The following PDZD7 variants were observed in gnomAD, a reference collection of about 807,000 sequenced individuals.
PDZD7 encodes the protein PDZ domain containing 7.
Under a neutral mutation model 84.7 loss-of-function variants are expected in PDZD7, and 72 were observed. That is an observed-to-expected ratio of 0.85 (90% CI 0.70 to 1.03). PDZD7 has a LOEUF of 1.03. Among genes scored for constraint, PDZD7 ranks in the 50% least tolerant of loss-of-function variants. The probability of loss-of-function intolerance (pLI) is 0.00; values close to 1 mark genes in which losing one functional copy is unlikely to be tolerated. For synonymous variants in PDZD7, 594 were observed against 580.7 expected, an observed-to-expected ratio of 1.02 and a Z score of -0.33; for missense variants, 1,490 against 1,412.9, an observed-to-expected ratio of 1.05 and a Z score of -0.87.
At position 101,021,912 on chromosome 10, in the gene PDZD7, G is replaced by T. The variant is rs1046830589; in HGVS notation, c.753C>A (p.Gly251=). The change falls in exon 6 of 17, where the codon GGC becomes GGA. Residue 251 remains glycine (G), a synonymous_variant. Transcript: ENST00000619208. The part of the protein sequence containing the change: ...VDHGGLAEEN[G]IKVGDQVLAA... Reference sequence around the variant, plus strand: ...CCAGGACCTGGTCCCCCACCTTGATGCCATTCTCCTCGGCCAGCCCACCAT... The same window carrying T: ...CCAGGACCTGGTCCCCCACCTTGATTCCATTCTCCTCGGCCAGCCCACCAT... 2.5e-6 allele frequency: 4 copies of T among 1,613,980 alleles called. No individual in the cohort carries two copies. Among genetic ancestry groups the T allele is most frequent in the Non-Finnish European group, 2.5e-6 (3 of 1,180,008 alleles).
chr10:101,019,735 T>C (rs1852967235), intron 7 of PDZD7, among the ~76,000 whole-genome samples: 1 of 151,550 alleles, frequency 6.6e-6, no homozygotes, highest in Non-Finnish European at 1.5e-5. Context: ...AAGCGATTCT[T>C]GTGCCTCAGC....
chr10:101,011,987 C>A lies in PDZD7; in HGVS notation c.1871G>T (p.Arg624Leu). 6.4e-7 allele frequency: 1 copy of A among 1,550,512 alleles called. No individual in the cohort carries two copies. The highest frequency in any genetic ancestry group is 1.2e-5 in the South Asian group (1 of 84,062). Residue 624 changes from arginine to leucine, a missense_variant, in exon 13 of 17, where the codon CGC becomes CTC. By Grantham distance (102) the Arg-to-Leu change is moderately radical. Coordinates refer to ENST00000619208, the MANE Select transcript of PDZD7 (RefSeq NM_001195263.2). ...CACAAGCATCACCATGCTGTCGAAG[C>A]GGCCCAGGTCTGTGGGGGCCACCAC... ...RSVVAPTDLGRFDSMVMLVEL... is the reference protein window; with the variant it reads ...RSVVAPTDLGLFDSMVMLVEL...
chr10:101,014,940 C>T (rs576800221), intron 11 of PDZD7, among the ~76,000 whole-genome samples: 35 of 152,228 alleles, frequency 2.3e-4, no homozygotes, highest in Non-Finnish European at 4.4e-4. Flanking sequence ...CACAGGCCTT[C>T]CTGAGACAGG....
At chr10:101,024,096 C>T in intron 2 of PDZD7, 28 bp from the exon 3 acceptor site, 5 of 1,614,178 alleles carry the variant, frequency 3.1e-6, no homozygotes, top group East Asian at 4.5e-5. Flanking sequence ...TAGGGATGCC[C>T]CCATGTTCAT....
intron 2 of PDZD7, among the ~76,000 whole-genome samples, chr10:101,027,171 C>T (rs1386643354): frequency 6.6e-6 from 1 of 152,186 alleles, no homozygotes; most frequent in African/African-American, 2.4e-5. Context: ...AACTTCAACA[C>T]CTGTTCCTGC....
In PDZD7 at chr10:101,030,280, C is replaced by G. The variant is rs948024534; in HGVS notation, c.-61G>C. Reference sequence around the variant, plus strand: ...AAGGAATCTGCTAGCTCTGGAGAGGCCAGCCCTGCGTGCTTCGAGCTCCAT... The same window carrying G: ...AAGGAATCTGCTAGCTCTGGAGAGGGCAGCCCTGCGTGCTTCGAGCTCCAT... On this transcript the variant is annotated 5_prime_UTR_variant, in exon 2 of 17. Coordinates refer to ENST00000619208, the MANE Select transcript of PDZD7 (RefSeq NM_001195263.2). 2 of 1,443,798 alleles carry G rather than the reference C, an allele frequency of 1.4e-6. No individual in the cohort carries two copies. The highest frequency in any genetic ancestry group is 2.8e-5 in the African/African-American group (2 of 71,506). The allele number at this position is 1,443,798 out of a possible 1,614,324, so 89.4% of individuals were successfully genotyped here. A position where few individuals can be genotyped will look rare whatever the true frequency, so the allele number is the denominator to read the frequency against.
intron 2 of PDZD7, among the ~76,000 whole-genome samples, chr10:101,025,998 G>GAACT (rs1334555898): frequency 2.6e-5 from 4 of 152,136 alleles, no homozygotes; most frequent in Non-Finnish European, 5.9e-5. Flanking sequence ...AGAGTTCTAG[G>GAACT]AACTACCTGG....
chr10:101,021,959 G>T lies in PDZD7; in HGVS notation c.720-14C>A, dbSNP rs1419583393. On this transcript the variant is annotated splice_polypyrimidine_tract_variant and intron_variant, in intron 5 of 16. Transcript: ENST00000619208. ...CCATGGTCCACTCTGAGGCCAGACA[G>T]GCGTCAGTCTGATAGGCCCCTGGCC... is the stretch of plus-strand genomic sequence containing the variant. The T allele has an allele frequency of 1.2e-6, 2 of 1,614,022 alleles. No homozygotes were observed.
intron 14 of PDZD7, 35 bp downstream of exon 14, chr10:101,011,655 T>C: frequency 1.3e-6 from 2 of 1,536,354 alleles, no homozygotes; most frequent in Non-Finnish European, 1.7e-6. Flanking sequence ...TCCCCAGGGC[T>C]GTGCCCCTCC....
chr10:101,030,029 A>G lies in PDZD7; in HGVS notation c.191T>C (p.Met64Thr). 6.8e-7 allele frequency: 1 copy of G among 1,469,596 alleles called. No individual in the cohort carries two copies. The highest frequency in any genetic ancestry group is 3.1e-5 in the East Asian group (1 of 32,208). 91.0% of individuals were successfully genotyped at this position (1,469,596 alleles called of 1,614,324 possible). ...PPRGIRASSP[M>T]GRVILINSPI... ...GGAGTTGATGAGGATGACGCGTCCCATGGGCGATGAGGCTCGGATTCCGCG... is the reference window on the plus strand; with the variant it reads ...GGAGTTGATGAGGATGACGCGTCCCGTGGGCGATGAGGCTCGGATTCCGCG... The change falls in exon 2 of 17, where the codon ATG (methionine) becomes ACG (threonine). Residue 64 changes from methionine to threonine, a missense_variant. Met to Thr is a moderately conservative substitution (Grantham distance 81, BLOSUM62 -1). Coordinates refer to ENST00000619208, the MANE Select transcript of PDZD7 (RefSeq NM_001195263.2).
chr10:101,023,249 A>C, intron 4 of PDZD7, 187 bp downstream of exon 4: 1 of 668,592 alleles, frequency 1.5e-6, no homozygotes, highest in South Asian at 1.8e-5. Flanking sequence ...GAGCAGAGCT[A>C]TTGGAGGAGG....
intron 1 of PDZD7, 145 bp from the exon 2 acceptor site, chr10:101,030,529 C>G: frequency 1.8e-6 from 1 of 545,986 alleles, no homozygotes; most frequent in Non-Finnish European, 3.3e-6. Flanking sequence ...CAGAGAACTG[C>G]CCCGTCCAGG....
In PDZD7 at chr10:101,030,333, G is replaced by A. The variant is rs1240689445; in HGVS notation, c.-114C>T. The A allele has an allele frequency of 5.6e-6, 5 of 895,628 alleles. No homozygotes were observed. The East Asian group carries it at 7.9e-5, about 14-fold the overall frequency. 55.5% of individuals were successfully genotyped at this position (895,628 alleles called of 1,614,324 possible). ...GCCTCTGTGCGGGGCTGGGGTCTCA[G>A]TAACGTGAAGGCCCTCGCTTGCGAT... is the stretch of plus-strand genomic sequence containing the variant. On this transcript the variant is annotated 5_prime_UTR_variant, in exon 2 of 17. Transcript: ENST00000619208.
At position 101,018,953 on chromosome 10, in the gene PDZD7, C is replaced by T; in HGVS notation, c.1193G>A (p.Arg398His). The change falls in exon 8 of 17, where the codon CGC becomes CAC. Residue 398 changes from arginine (R) to histidine (H), a missense_variant. Transcript: ENST00000619208. The stretch of plus-strand genomic sequence containing the variant: ...GCGGCCGGGATGGGGGCCGTCCGAG[C>T]GGATGGCGGTGTCCCTGAGGATGAC... Reference protein sequence around the residue: ...PTVILRDTAIRSDGPHPGRRL... With the variant: ...PTVILRDTAIHSDGPHPGRRL... 1 of 1,598,132 alleles carries T rather than the reference C, an allele frequency of 6.3e-7. No homozygotes were observed. The highest frequency in any genetic ancestry group is 8.5e-7 in the Non-Finnish European group (1 of 1,173,188).
At position 101,010,533 on chromosome 10, in the gene PDZD7, G is replaced by GACT; in HGVS notation, c.2355_2356insAGT (p.Ser785dup). 2 of 1,439,090 alleles carry GACT rather than the reference G, an allele frequency of 1.4e-6. No individual in the cohort carries two copies. Among genetic ancestry groups the GACT allele is most frequent in the Non-Finnish European group, 1.9e-6 (2 of 1,076,126 alleles). The allele number at this position is 1,439,090 out of a possible 1,614,324, so 89.1% of individuals were successfully genotyped here. A position where few individuals can be genotyped will look rare whatever the true frequency, so the allele number is the denominator to read the frequency against. ...CTACCTGGAGACTTGCCTTGACCCC[G>GACT]GCTGCTGCGGCTGCGGCTGCGGCTA... is the stretch of plus-strand genomic sequence containing the variant. On this transcript the variant is annotated inframe_insertion, in exon 15 of 17. Transcript: ENST00000619208.
At chr10:101,027,538 C>T (rs561399051) in intron 2 of PDZD7, among the ~76,000 whole-genome samples, 67 of 152,278 alleles carry the variant, frequency 4.4e-4, no homozygotes, top group Non-Finnish European at 8.7e-4. Flanking sequence ...TTGCTAAAAA[C>T]GGGAATTCCT....
intron 8 of PDZD7, 75 bp downstream of exon 8, chr10:101,018,747 G>A (rs888953177): frequency 8.1e-6 from 12 of 1,475,214 alleles, no homozygotes; most frequent in Admixed American, 2.3e-5. Flanking sequence ...GGAGGTTTGA[G>A]CCCGGGACAG....
chr10:101,015,064 C>G (rs1444190118), intron 11 of PDZD7, among the ~76,000 whole-genome samples: 1 of 152,108 alleles, frequency 6.6e-6, no homozygotes, highest in Non-Finnish European at 1.5e-5. Flanking sequence ...CTGGGGCGCT[C>G]TGGTTCTTTT....
intron 14 of PDZD7, 35 bp from the exon 15 acceptor site, chr10:101,010,918 T>C (rs1330932642): frequency 2.0e-6 from 3 of 1,512,798 alleles, no homozygotes; most frequent in Non-Finnish European, 2.6e-6. Context: ...TGCCCACTCC[T>C]CCCCTCTCCA....
Sources: gnomAD v4.1 joint callset for allele counts (sites outside exome capture counted in the v4.1 genomes callset) on GRCh38, gnomAD v4.1.1 for gene constraint, MANE v1.5 for transcripts, NCBI Gene and HGNC (gene_info 2026-07-23, HGNC 2026-07-21) for gene names.